The following ITPR2 variants were observed in gnomAD, a reference collection of about 807,000 sequenced individuals.
The protein encoded by ITPR2 is inositol 1,4,5-trisphosphate receptor type 2.
In ITPR2, 207 loss-of-function variants were observed where a neutral mutation model predicts 317.1. The ratio of observed to expected loss-of-function variants is 0.65; its 90% CI spans 0.58 to 0.73. The LOEUF is 0.73. Among genes scored for constraint, ITPR2 ranks in the 30% least tolerant of loss-of-function variants. The probability of loss-of-function intolerance (pLI) is 0.00; values close to 1 mark genes in which losing one functional copy is unlikely to be tolerated. For missense variants in ITPR2, 2,613 were observed against 3,284.0 expected, an observed-to-expected ratio of 0.80 and a Z score of 4.99; for synonymous variants, 1,156 against 1,149.1, an observed-to-expected ratio of 1.01 and a Z score of -0.12.
intron 9 of ITPR2, among the ~76,000 whole-genome samples, chr12:26,701,045 A>C (rs901264119): frequency 2.0e-5 from 3 of 152,236 alleles, no homozygotes; most frequent in Non-Finnish European, 2.9e-5. Flanking sequence ...GGCAGTGAGT[A>C]ACAGAGAGAG....
intron 2 of ITPR2, among the ~76,000 whole-genome samples, chr12:26,784,914 C>G (rs865862726): frequency 1.8e-5 from 1 of 56,960 alleles, no homozygotes; most frequent in African/African-American, 5.4e-5. Context: ...TCTTCCCCGC[C>G]GCCATCCCAT....
Position 26,491,607 on chromosome 12 carries a change from T to C in ITPR2, c.5370+2546A>G, listed in dbSNP as rs368261706. 4.7e-5 allele frequency among the ~76,000 whole-genome samples: 7 copies of C among 149,812 alleles called. No homozygotes were observed. The East Asian group carries it at 7.9e-4, about 17-fold the overall frequency. On this transcript the variant is annotated intron_variant, in intron 39 of 56. Transcript: ENST00000381340. ...CTACTTGTCACTGTCTAGGAAAAGA[T>C]AAGGAGAATCTGTAGTGAGAGCTGG...
rs188148090 is a variant in ITPR2 at position 26,547,657 on chromosome 12, C to T, written c.5073+2590G>A. Among the ~76,000 whole-genome samples the T allele has an allele frequency of 5.9e-5, 9 of 152,304 alleles. No homozygotes were observed. The East Asian group carries it at 1.7e-3, about 29-fold the overall frequency. On this transcript the variant is annotated intron_variant, in intron 37 of 56. Transcript: ENST00000381340. ...AAAGACATGGAATCAACCCAAATGTCCCTTGACGGATGAATGGGTAAAGAA... is the reference window on the plus strand; with the variant it reads ...AAAGACATGGAATCAACCCAAATGTTCCTTGACGGATGAATGGGTAAAGAA...
At chr12:26,407,837 G>T (rs1183883669) in intron 52 of ITPR2, among the ~76,000 whole-genome samples, 1 of 152,140 alleles carries the variant, frequency 6.6e-6, no homozygotes, top group African/African-American at 2.4e-5. Flanking sequence ...ATCTCACAGG[G>T]TTGTTGTGAT....
intron 13 of ITPR2, among the ~76,000 whole-genome samples, chr12:26,670,869 T>C (rs1435431029): frequency 6.6e-6 from 1 of 152,096 alleles, no homozygotes; most frequent in Admixed American, 6.5e-5. Context: ...GCGATGGAGC[T>C]GAAAGCCAAG....
At chr12:26,472,920 T>G (rs1418541707) in intron 45 of ITPR2, among the ~76,000 whole-genome samples, 1 of 152,158 alleles carries the variant, frequency 6.6e-6, no homozygotes, top group African/African-American at 2.4e-5. Context: ...AGAGTCTTGC[T>G]CTATCGCCCA....
Position 26,556,333 on chromosome 12 carries a change from G to T in ITPR2, c.4864C>A (p.Gln1622Lys). The T allele has an allele frequency of 2.5e-6, 4 of 1,613,800 alleles. No individual in the cohort carries two copies. The highest frequency in any genetic ancestry group is 3.4e-6 in the Non-Finnish European group (4 of 1,179,806). ...TCAACCAACACTGAGAATTCAGCCT[G>T]CATCATTGGGCTGAACTGGTGCTCC... ...SLEHQFSPMM[Q>K]AEFSVLVDVL... Residue 1622 changes from glutamine (Q) to lysine (K), a missense_variant, in exon 36 of 57, where the codon CAG becomes AAG. Gln to Lys is a moderately conservative substitution (Grantham distance 53, BLOSUM62 1). Coordinates refer to ENST00000381340, the MANE Select transcript of ITPR2 (RefSeq NM_002223.4).
chr12:26,684,271 C>A (rs1305912340), intron 11 of ITPR2, among the ~76,000 whole-genome samples: 1 of 152,186 alleles, frequency 6.6e-6, no homozygotes. Context: ...CTGAGAAACA[C>A]TGGACTCCAC....
At chr12:26,403,476 G>C (rs1327160833) in intron 52 of ITPR2, among the ~76,000 whole-genome samples, 2 of 152,184 alleles carry the variant, frequency 1.3e-5, no homozygotes, top group Non-Finnish European at 2.9e-5. Context: ...GTGGAAGCCA[G>C]GCATGGTGAT....
intron 36 of ITPR2, among the ~76,000 whole-genome samples, chr12:26,554,645 A>T (rs1295925470): frequency 6.6e-6 from 1 of 152,202 alleles, no homozygotes; most frequent in Admixed American, 6.5e-5. Context: ...CATCTCGGGG[A>T]TATAGCTATT....
chr12:26,437,688 G>A (rs2136723936), intron 47 of ITPR2, among the ~76,000 whole-genome samples: 1 of 152,166 alleles, frequency 6.6e-6, no homozygotes, highest in South Asian at 2.1e-4. Context: ...TTTAATTTTT[G>A]GTAAATGATA....
chr12:26,656,675 TC>T, intron 18 of ITPR2, 127 bp from the exon 19 acceptor site: 2 of 913,236 alleles, frequency 2.2e-6, no homozygotes, highest in Non-Finnish European at 3.3e-6. Context: ...GGAGTCAAAC[TC>T]TTGACTGTAG....
chr12:26,815,120 G>A (rs1279246264), intron 1 of ITPR2, among the ~76,000 whole-genome samples: 1 of 152,134 alleles, frequency 6.6e-6, no homozygotes, highest in Non-Finnish European at 1.5e-5. Context: ...GGGTGAATCA[G>A]TTGAGGTCAG....
intron 31 of ITPR2, among the ~76,000 whole-genome samples, chr12:26,596,245 A>G (rs1173215748): frequency 5.3e-5 from 8 of 152,378 alleles, no homozygotes; most frequent in African/African-American, 1.9e-4. Flanking sequence ...GCTCAAGTAC[A>G]TACTAAAGTT....
chr12:26,386,906 G>A (rs1041939496), intron 55 of ITPR2, among the ~76,000 whole-genome samples: 1 of 152,108 alleles, frequency 6.6e-6, no homozygotes, highest in Non-Finnish European at 1.5e-5. Context: ...AGATGTGGCA[G>A]GATCAGTGCA....
At chr12:26,808,858 TCTA>T (rs1199603379) in intron 1 of ITPR2, among the ~76,000 whole-genome samples, 4 of 152,210 alleles carry the variant, frequency 2.6e-5, no homozygotes, top group African/African-American at 9.6e-5. Context: ...GAGAACACAC[TCTA>T]TTCAACAGGC....
chr12:26,431,377 A>G (rs982616596), intron 48 of ITPR2, among the ~76,000 whole-genome samples: 25 of 152,222 alleles, frequency 1.6e-4, no homozygotes, highest in Non-Finnish European at 3.5e-4. Context: ...GTGGACTTCC[A>G]GGCTATTCCC....
chr12:26,584,057 C>A (rs1251391643), intron 32 of ITPR2, among the ~76,000 whole-genome samples: 1 of 152,148 alleles, frequency 6.6e-6, no homozygotes, highest in African/African-American at 2.4e-5. Flanking sequence ...CTATTAGACC[C>A]TTTCTCCCAA....
intron 54 of ITPR2, among the ~76,000 whole-genome samples, chr12:26,388,150 CAT>C (rs1481782578): frequency 1.3e-5 from 2 of 152,138 alleles, no homozygotes; most frequent in Non-Finnish European, 2.9e-5. Flanking sequence ...GTGTTCCAGG[CAT>C]TTTGGGCAGG....
Sources: gnomAD v4.1 joint callset for allele counts (sites outside exome capture counted in the v4.1 genomes callset) on GRCh38, gnomAD v4.1.1 for gene constraint, MANE v1.5 for transcripts, NCBI Gene and HGNC (gene_info 2026-07-23, HGNC 2026-07-21) for gene names.